Variants in TET3 observed in about 807,000 individuals in gnomAD.
TET3 encodes the protein methylcytosine dioxygenase TET3.
In TET3, 19 loss-of-function variants were observed where a neutral mutation model predicts 141.4. The ratio of observed to expected loss-of-function variants is 0.13; its 90% CI spans 0.09 to 0.20. The LOEUF is 0.20. Ranked by LOEUF, TET3 falls within the 10% of genes least tolerant of loss-of-function variation. The pLI is 1.00. For missense variants in TET3, 1,874 were observed against 2,356.9 expected, an observed-to-expected ratio of 0.80 and a Z score of 4.24; for synonymous variants, 1,043 against 980.9, an observed-to-expected ratio of 1.06 and a Z score of -1.18.
intron 2 of TET3, among the ~76,000 whole-genome samples, chr2:74,002,352 G>A (rs1222408892): frequency 5.9e-5 from 9 of 152,120 alleles, no homozygotes; most frequent in South Asian, 2.1e-4. Flanking sequence ...AGAGAGTGGC[G>A]AAGCGGGAAT....
At chr2:74,113,431 A>G in the TET3 span, among the ~76,000 whole-genome samples, 1 of 152,184 alleles carries the variant, frequency 6.6e-6, no homozygotes, top group Non-Finnish European at 1.5e-5. Context: ...ACGTAGTACT[A>G]GAAGTCCTAC....
chr2:74,133,992 C>A, the TET3 span, among the ~76,000 whole-genome samples: 2 of 152,078 alleles, frequency 1.3e-5, no homozygotes, highest in African/African-American at 2.4e-5. Context: ...ATCCCCCCCC[C>A]TCGGCCTCTC....
At chr2:74,022,486 T>TG (rs1053640686) in intron 3 of TET3, among the ~76,000 whole-genome samples, 1 of 151,826 alleles carries the variant, frequency 6.6e-6, no homozygotes, top group Non-Finnish European at 1.5e-5. Context: ...GAGGGTTTTT[T>TG]TTTGTTTGTT....
At chr2:74,116,539 T>TGTG in the TET3 span, among the ~76,000 whole-genome samples, 1 of 151,038 alleles carries the variant, frequency 6.6e-6, no homozygotes, top group Non-Finnish European at 1.5e-5. Context: ...ATTAGCTGGG[T>TGTG]GTGGTGGTGT....
chr2:74,021,311 C>T (rs1686030454), intron 3 of TET3, among the ~76,000 whole-genome samples: 1 of 152,234 alleles, frequency 6.6e-6, no homozygotes, highest in Non-Finnish European at 1.5e-5. Flanking sequence ...GGAGCTGTTC[C>T]AGATGCCTCC....
intron 3 of TET3, among the ~76,000 whole-genome samples, chr2:74,008,764 G>A (rs1405198900): frequency 6.6e-6 from 1 of 152,044 alleles, no homozygotes; most frequent in Non-Finnish European, 1.5e-5. Flanking sequence ...TAGGAAGGGA[G>A]GGGTGGGGGG....
the TET3 span, among the ~76,000 whole-genome samples, chr2:74,116,419 ATGCCTGT>A: frequency 1.3e-5 from 2 of 152,310 alleles, no homozygotes; most frequent in East Asian, 3.9e-4. Flanking sequence ...ACGGTGGCTC[ATGCCTGT>A]AATCCCAGCA....
chr2:74,035,188 T>C (rs1314261214), intron 3 of TET3, among the ~76,000 whole-genome samples: 4,241 of 54,506 alleles, frequency 0.078, no homozygotes, highest in Middle Eastern at 0.28. Flanking sequence ...GGCAACAGAG[T>C]GAGACTCCGT....
intron 4 of TET3, among the ~76,000 whole-genome samples, chr2:74,062,479 C>T (rs1044725721): frequency 6.6e-6 from 1 of 152,142 alleles, no homozygotes; most frequent in African/African-American, 2.4e-5. Context: ...AACATCTTAA[C>T]ATGTAGCAGA....
At chr2:74,007,635 T>TTA (rs1685212689) in intron 3 of TET3, among the ~76,000 whole-genome samples, 1 of 152,168 alleles carries the variant, frequency 6.6e-6, no homozygotes, top group African/African-American at 2.4e-5. Context: ...AGTGCAGTTG[T>TTA]TAGTTTCCTT....
At chr2:74,086,111 G>C (rs929051093) in intron 6 of TET3, among the ~76,000 whole-genome samples, 1 of 152,134 alleles carries the variant, frequency 6.6e-6, no homozygotes, top group African/African-American at 2.4e-5. Flanking sequence ...TGGAGTTCCC[G>C]CCTCAAGGCC....
intron 4 of TET3, among the ~76,000 whole-genome samples, chr2:74,053,952 G>T (rs1162358981): frequency 6.6e-6 from 1 of 152,158 alleles, no homozygotes; most frequent in African/African-American, 2.4e-5. Context: ...GTGAGTAGGA[G>T]GGTATCAGAG....
At chr2:74,002,307 G>A (rs1318995651) in intron 2 of TET3, among the ~76,000 whole-genome samples, 3 of 152,208 alleles carry the variant, frequency 2.0e-5, no homozygotes, top group Non-Finnish European at 4.4e-5. Context: ...AGGGCCCGGT[G>A]CCGTCCCAGC....
At position 74,025,436 on chromosome 2, in the gene TET3, C is replaced by CA. The variant is rs540636164; in HGVS notation, c.361-20841dup. Among the ~76,000 whole-genome samples, 456 of 151,512 alleles carry CA rather than the reference C, an allele frequency of 3.0e-3. 2 individuals are homozygous for CA. The highest frequency in any genetic ancestry group is 4.2e-3 in the Non-Finnish European group (282 of 67,804). The stretch of plus-strand genomic sequence containing the variant: ...CCGAGTAGCTGGGACCACAGGCACC[C>CA]ACCACCACGCCCGGCTAATTTTTTG... On this transcript the variant is annotated intron_variant, in intron 3 of 11. Coordinates refer to ENST00000409262, the MANE Select transcript of TET3 (RefSeq NM_001287491.2).
downstream of TET3, among the ~76,000 whole-genome samples, chr2:74,112,459 A>G (rs6737314): frequency 0.23 from 34,469 of 152,136 alleles, 4,458 homozygotes; most frequent in East Asian, 0.37. Context: ...AAAATTATCA[A>G]TAAGAACCAA....
chr2:74,047,981 C>T lies in TET3; in HGVS notation c.2064C>T (p.Pro688=), dbSNP rs775879519. ...PPTQEMRSPS[P]MTALQPGSTG... ...CTCAGGAAATGAGGTCCCCCAGCCC[C>T]ATGACAGCCTTGCAGCCAGGCTCCA... Residue 688 remains proline (P), a synonymous_variant, in exon 4 of 12, where the codon CCC becomes CCT. Coordinates refer to ENST00000409262, the MANE Select transcript of TET3 (RefSeq NM_001287491.2). 1.9e-5 allele frequency: 31 copies of T among 1,610,840 alleles called. No homozygotes were observed. Among genetic ancestry groups the T allele is most frequent in the Middle Eastern group, 1.7e-4 (1 of 6,058 alleles).
At chr2:74,030,747 G>A (rs1686635779) in intron 3 of TET3, among the ~76,000 whole-genome samples, 1 of 152,162 alleles carries the variant, frequency 6.6e-6, no homozygotes, top group Admixed American at 6.5e-5. Context: ...GTTCTGGGGT[G>A]GAAGCAGAGG....
intron 3 of TET3, among the ~76,000 whole-genome samples, chr2:74,027,235 C>T (rs537196672): frequency 1.3e-5 from 2 of 152,260 alleles, no homozygotes; most frequent in Admixed American, 6.5e-5. Context: ...CTGCTTTTGC[C>T]TCAAAGCTGC....
In TET3 at chr2:74,047,855, C is replaced by T. The variant is rs760279857; in HGVS notation, c.1938C>T (p.Ala646=). ...AGGAAGTGCAGGCTCATCCACCGGC[C>T]CCTCTGCCTGCCTCACAGGGCTCTG... ...ASQEVQAHPP[A]PLPASQGSAV... is the part of the protein sequence containing the mutation. The change falls in exon 4 of 12, where the codon GCC becomes GCT. Residue 646 remains alanine, a synonymous_variant. Coordinates refer to ENST00000409262, the MANE Select transcript of TET3 (RefSeq NM_001287491.2). The T allele has an allele frequency of 6.2e-7, 1 of 1,612,732 alleles. No individual in the cohort carries two copies. Among genetic ancestry groups the T allele is most frequent in the South Asian group, 1.1e-5 (1 of 90,860 alleles).
Sources: allele counts gnomAD v4.1 joint callset (sites outside exome capture counted in the v4.1 genomes callset), GRCh38; gene constraint gnomAD v4.1.1; transcripts MANE v1.5; gene names NCBI Gene and HGNC (gene_info 2026-07-23, HGNC 2026-07-21).